The following ESRP1 variants were observed in gnomAD, a reference collection of about 807,000 sequenced individuals.
ESRP1 encodes epithelial splicing regulatory protein 1, also known as RNA-binding motif protein 35A.
Under a neutral mutation model 81.7 loss-of-function variants are expected in ESRP1, and 33 were observed. The observed-to-expected ratio is 0.40, with a 90% CI of 0.31 to 0.54. The LOEUF is 0.54. Among genes scored for constraint, ESRP1 ranks in the 20% least tolerant of loss-of-function variants. ESRP1 has a pLI of 0.41. For synonymous variants in ESRP1, 320 were observed against 303.3 expected (o/e 1.06, Z -0.57); for missense variants, 672 against 833.1 (o/e 0.81, Z 2.38).
chr8:94,660,841 T>G (rs1818708175), intron 4 of ESRP1, among the ~76,000 whole-genome samples: 1 of 151,572 alleles, frequency 6.6e-6, no homozygotes, highest in Admixed American at 6.6e-5. Flanking sequence ...CTACCGAATC[T>G]TTGATGAAAG....
intron 4 of ESRP1, among the ~76,000 whole-genome samples, chr8:94,661,087 C>T (rs1164284581): frequency 6.6e-6 from 1 of 152,180 alleles, no homozygotes; most frequent in Non-Finnish European, 1.5e-5. Context: ...CTCGCCCAGG[C>T]TGGAGTGCAG....
intron 13 of ESRP1, among the ~76,000 whole-genome samples, chr8:94,688,064 G>A (rs1809214335): frequency 6.6e-6 from 1 of 152,114 alleles, no homozygotes; most frequent in Non-Finnish European, 1.5e-5. Context: ...ATGGTGTGAG[G>A]TAGGGGTCTA....
In ESRP1 at chr8:94,706,245, T is replaced by A; in HGVS notation, c.*356T>A. Reference sequence around the variant, plus strand: ...TGTTTCCTAAGTTTTAAGTCTTGGATAAAAACTCCACCAGTGTCTACCATC... The same window carrying A: ...TGTTTCCTAAGTTTTAAGTCTTGGAAAAAAACTCCACCAGTGTCTACCATC... On this transcript the variant is annotated 3_prime_UTR_variant, in exon 16 of 16. Transcript: ENST00000433389. 3.0e-6 allele frequency: 1 copy of A among 332,484 alleles called. No individual in the cohort carries two copies. The highest frequency in any genetic ancestry group is 5.5e-6 in the Non-Finnish European group (1 of 182,270). The allele number at this position is 332,484 out of a possible 1,614,324, so 20.6% of individuals were successfully genotyped here.
chr8:94,674,059 A>G (rs541037045), intron 11 of ESRP1, among the ~76,000 whole-genome samples: 2 of 152,310 alleles, frequency 1.3e-5, no homozygotes. Context: ...GATACTAATT[A>G]ACAGAAGTGA....
At chr8:94,663,221 T>G (rs532925270) in intron 6 of ESRP1, among the ~76,000 whole-genome samples, 2 of 152,316 alleles carry the variant, frequency 1.3e-5, no homozygotes, top group East Asian at 3.9e-4. Context: ...AGATAAAATT[T>G]TACGTACATT....
In ESRP1 at chr8:94,692,973, T is replaced by C. The variant is rs914536328; in HGVS notation, c.1971+146T>C. ...ATTTGCTTATGGAAACAAATAGATC[T>C]GGAGTCACTGTGGGGACCAACTTCA... On this transcript the variant is annotated intron_variant, in intron 14 of 15. Coordinates refer to ENST00000433389, the MANE Select transcript of ESRP1 (RefSeq NM_017697.4). 8 of 900,414 alleles carry C rather than the reference T, an allele frequency of 8.9e-6. No individual in the cohort carries two copies. The African/African-American group carries it at 1.0e-4, about 11-fold the overall frequency. 55.8% of individuals were successfully genotyped at this position (900,414 alleles called of 1,614,324 possible).
chr8:94,675,852 A>G (rs1475390970), intron 12 of ESRP1, among the ~76,000 whole-genome samples: 3 of 152,222 alleles, frequency 2.0e-5, no homozygotes, highest in Non-Finnish European at 4.4e-5. Flanking sequence ...TGTGTCAGCC[A>G]GGTACAGTGA....
At chr8:94,703,340 G>T (rs1210056623) in intron 15 of ESRP1, among the ~76,000 whole-genome samples, 1 of 151,930 alleles carries the variant, frequency 6.6e-6, no homozygotes, top group African/African-American at 2.4e-5. Flanking sequence ...TTTTAGTAGA[G>T]ACAGGGTTTC....
chr8:94,701,077 A>C (rs1403265624), intron 15 of ESRP1, among the ~76,000 whole-genome samples: 1 of 151,606 alleles, frequency 6.6e-6, no homozygotes, highest in East Asian at 1.9e-4. Context: ...GTTCGAGACC[A>C]GTCTGGCCAA....
chr8:94,655,711 T>C (rs73263294), intron 4 of ESRP1, among the ~76,000 whole-genome samples: 4,155 of 151,986 alleles, frequency 0.027, 159 homozygotes, highest in African/African-American at 0.09. Context: ...GACCATCTGG[T>C]GAAACCCTGT....
At chr8:94,695,362 T>TC (rs1451112248) in intron 14 of ESRP1, among the ~76,000 whole-genome samples, 8 of 75,582 alleles carry the variant, frequency 1.1e-4, no homozygotes, top group African/African-American at 2.0e-4. Context: ...TTTTTTTTTT[T>TC]TTTTTTTTTT....
chr8:94,670,437 T>G (rs904287479), intron 10 of ESRP1, among the ~76,000 whole-genome samples: 1 of 152,190 alleles, frequency 6.6e-6, no homozygotes, highest in African/African-American at 2.4e-5. Context: ...TCTGGTGGTG[T>G]GGTTTGATTT....
chr8:94,664,839 C>T (rs1341342057), intron 7 of ESRP1, 32 bp downstream of exon 7: 1 of 1,610,520 alleles, frequency 6.2e-7, no homozygotes, highest in African/African-American at 1.3e-5. Flanking sequence ...TTTTACTTAA[C>T]AATCCCAAAG....
rs1441705379 is a variant in ESRP1 at position 94,700,720 on chromosome 8, G to C, written c.*35+3759G>C. Among the ~76,000 whole-genome samples the C allele has an allele frequency of 5.3e-5, 8 of 151,842 alleles. No homozygotes were observed. The East Asian group carries it at 1.6e-3, about 30-fold the overall frequency. On this transcript the variant is annotated intron_variant, in intron 15 of 15. Coordinates refer to ENST00000433389, the MANE Select transcript of ESRP1 (RefSeq NM_017697.4). Reference sequence around the variant, plus strand: ...TGAGGCGGGCGGATCACGAGGTCAGGAGATCGAGACCGTCCTGGCTAACAC... The same window carrying C: ...TGAGGCGGGCGGATCACGAGGTCAGCAGATCGAGACCGTCCTGGCTAACAC...
At chr8:94,642,857 C>T (rs1290054572) in intron 2 of ESRP1, among the ~76,000 whole-genome samples, 1 of 152,160 alleles carries the variant, frequency 6.6e-6, no homozygotes, top group African/African-American at 2.4e-5. Flanking sequence ...GAAAGCTATC[C>T]TTCCTGGGGT....
Position 94,664,749 on chromosome 8 carries a change from C to T in ESRP1, c.697C>T (p.Pro233Ser), listed in dbSNP as rs776222018. The change falls in exon 7 of 16, where the codon CCA becomes TCA. Residue 233 changes from proline to serine, a missense_variant. Pro to Ser is a moderately conservative substitution (Grantham distance 74, BLOSUM62 -1). Coordinates refer to ENST00000433389, the MANE Select transcript of ESRP1 (RefSeq NM_017697.4). ...CACCGTAGTCAGGGCACGAGGTTTACCATGGCAGTCTTCAGATCAAGATAT... is the reference window on the plus strand; with the variant it reads ...CACCGTAGTCAGGGCACGAGGTTTATCATGGCAGTCTTCAGATCAAGATAT... ...DNTVVRARGL[P>S]WQSSDQDIAR... The T allele has an allele frequency of 9.3e-6, 15 of 1,613,910 alleles. No individual in the cohort carries two copies. The highest frequency in any genetic ancestry group is 1.3e-5 in the Non-Finnish European group (15 of 1,179,874).
intron 4 of ESRP1, among the ~76,000 whole-genome samples, chr8:94,653,545 T>G (rs114372524): frequency 0.024 from 3,598 of 152,292 alleles, 108 homozygotes; most frequent in African/African-American, 0.077. Context: ...CAAGGGACTT[T>G]GAAAAGGACT....
At chr8:94,665,254 C>A (rs1818961731) in intron 9 of ESRP1, 58 bp downstream of exon 9, 5 of 1,547,446 alleles carry the variant, frequency 3.2e-6, no homozygotes, top group Non-Finnish European at 4.4e-6. Flanking sequence ...ATTTTGCATA[C>A]TTAAATTTAG....
chr8:94,684,913 C>T (rs541585012), intron 13 of ESRP1, among the ~76,000 whole-genome samples: 15 of 151,962 alleles, frequency 9.9e-5, no homozygotes, highest in African/African-American at 3.4e-4. Flanking sequence ...TTTGTAGTCC[C>T]AGCTACCTGG....
Sources: allele counts gnomAD v4.1 joint callset (sites outside exome capture counted in the v4.1 genomes callset), GRCh38; gene constraint gnomAD v4.1.1; transcripts MANE v1.5; gene names NCBI Gene and HGNC (gene_info 2026-07-23, HGNC 2026-07-21).